The following MAGI2 variants were observed in gnomAD, a reference collection of about 807,000 sequenced individuals.
MAGI2 encodes the protein membrane-associated guanylate kinase, WW and PDZ domain-containing protein 2.
In MAGI2, 35 loss-of-function variants were observed where a neutral mutation model predicts 133.3. The observed-to-expected ratio is 0.26, with a 90% CI of 0.20 to 0.35. The LOEUF is 0.35. Among genes scored for constraint, MAGI2 ranks in the 10% least tolerant of loss-of-function variants. The pLI, the probability that MAGI2 is intolerant of heterozygous loss-of-function variation, is 1.00. For missense variants in MAGI2, 1,636 were observed against 1,863.4 expected, an observed-to-expected ratio of 0.88 and a Z score of 2.25; for synonymous variants, 729 against 710.6, an observed-to-expected ratio of 1.03 and a Z score of -0.41.
chr7:78,995,892 A>G (rs889231769), intron 2 of MAGI2, among the ~76,000 whole-genome samples: 3 of 152,134 alleles, frequency 2.0e-5, no homozygotes, highest in Admixed American at 2.0e-4. Context: ...GCCTGGTATC[A>G]GTCTGGTTAA....
rs150180104 is a variant in MAGI2 at position 79,150,409 on chromosome 7, G to A, written c.302-143203C>T. On this transcript the variant is annotated intron_variant, in intron 1 of 21. Coordinates refer to ENST00000354212, the MANE Select transcript of MAGI2 (RefSeq NM_012301.4). ...CAATAAATATCTTCCCTCCATAGAC[G>A]TATTGCAGATTTTCTTTTGATGATA... Among the ~76,000 whole-genome samples, 896 of 152,186 alleles carry A rather than the reference G, an allele frequency of 5.9e-3. 13 individuals carry two copies. Among genetic ancestry groups the A allele is most frequent in the African/African-American group, 0.02 (851 of 41,524 alleles).
At chr7:79,272,303 C>T (rs888766724) in intron 1 of MAGI2, among the ~76,000 whole-genome samples, 2 of 152,030 alleles carry the variant, frequency 1.3e-5, no homozygotes, top group South Asian at 2.1e-4. Flanking sequence ...TTAAACCATG[C>T]GGCAACTAAA....
intron 6 of MAGI2, among the ~76,000 whole-genome samples, chr7:78,369,540 T>A (rs1793717026): frequency 6.6e-6 from 1 of 152,102 alleles, no homozygotes; most frequent in Admixed American, 6.6e-5. Flanking sequence ...AAAGTGTATA[T>A]GTTTCTCTTA....
At chr7:78,705,950 T>A (rs1818597602) in intron 2 of MAGI2, among the ~76,000 whole-genome samples, 1 of 152,128 alleles carries the variant, frequency 6.6e-6, no homozygotes, top group Non-Finnish European at 1.5e-5. Context: ...GTCCATCAAT[T>A]TTCTCAAATG....
At chr7:78,291,597 T>C (rs1088565) in intron 9 of MAGI2, among the ~76,000 whole-genome samples, 107,600 of 151,916 alleles carry the variant, frequency 0.71, 38,657 homozygotes, top group African/African-American at 0.81. Flanking sequence ...CCAGCATCAT[T>C]CTGATACCAA....
At chr7:78,209,706 G>A (rs898397666) in intron 10 of MAGI2, among the ~76,000 whole-genome samples, 2 of 152,040 alleles carry the variant, frequency 1.3e-5, no homozygotes, top group African/African-American at 4.8e-5. Context: ...TCTTGCTTGA[G>A]CTGAAACAAC....
intron 1 of MAGI2, among the ~76,000 whole-genome samples, chr7:79,178,908 T>C (rs1162179465): frequency 1.3e-5 from 2 of 152,018 alleles, no homozygotes; most frequent in East Asian, 3.9e-4. Flanking sequence ...TTTTTTATTA[T>C]ACTACTAATC....
chr7:78,304,958 T>G (rs896099913), intron 9 of MAGI2, among the ~76,000 whole-genome samples: 11 of 152,216 alleles, frequency 7.2e-5, no homozygotes, highest in African/African-American at 2.7e-4. Context: ...GAGTAGCACT[T>G]CTACCACCTG....
rs371511259 is a variant in MAGI2 at position 78,949,505 on chromosome 7, T to C, written c.418+57585A>G. On this transcript the variant is annotated intron_variant, in intron 2 of 21. Coordinates refer to ENST00000354212, the MANE Select transcript of MAGI2 (RefSeq NM_012301.4). ...GGCCATTGATAAGAAGGGTTGCATATAAAGAAAGCATGCTTGAAATCAGAG... is the reference window on the plus strand; with the variant it reads ...GGCCATTGATAAGAAGGGTTGCATACAAAGAAAGCATGCTTGAAATCAGAG... 8.5e-5 allele frequency among the ~76,000 whole-genome samples: 13 copies of C among 152,232 alleles called. No individual in the cohort carries two copies. In the East Asian group the frequency reaches 2.5e-3, roughly 29 times the overall value.
chr7:78,477,457 C>T lies in MAGI2; in HGVS notation c.1045+12304G>A, dbSNP rs369456472. ...CTCACGCTGCTAATAAAGACATACC[C>T]GAGACTGGGTAATTTATAAAGGAGA... On this transcript the variant is annotated intron_variant, in intron 6 of 21. Transcript: ENST00000354212. Among the ~76,000 whole-genome samples the T allele has an allele frequency of 2.6e-5, 4 of 151,806 alleles. No homozygotes were observed. In the South Asian group the frequency reaches 6.2e-4, roughly 24 times the overall value.
intron 1 of MAGI2, among the ~76,000 whole-genome samples, chr7:79,135,830 C>G (rs1311666861): frequency 6.6e-6 from 1 of 151,108 alleles, no homozygotes; most frequent in Admixed American, 6.6e-5. Flanking sequence ...AGTCCCAACT[C>G]CTTGGGAGGC....
At chr7:78,098,510 A>G (rs1817920678) in intron 20 of MAGI2, among the ~76,000 whole-genome samples, 1 of 152,162 alleles carries the variant, frequency 6.6e-6, no homozygotes, top group South Asian at 2.1e-4. Flanking sequence ...ATTGACGTAT[A>G]TTTAGAATTT....
intron 21 of MAGI2, among the ~76,000 whole-genome samples, chr7:78,063,983 C>T (rs1361560823): frequency 6.6e-6 from 1 of 152,142 alleles, no homozygotes; most frequent in Non-Finnish European, 1.5e-5. Context: ...AGAGCCCTCT[C>T]TCTCTTTTTT....
At chr7:78,284,990 C>T (rs915684630) in intron 9 of MAGI2, among the ~76,000 whole-genome samples, 11 of 152,144 alleles carry the variant, frequency 7.2e-5, no homozygotes, top group African/African-American at 2.7e-4. Flanking sequence ...ACATGGGCAG[C>T]AGCTGAAGGA....
intron 21 of MAGI2, among the ~76,000 whole-genome samples, chr7:78,066,155 T>C (rs1337188008): frequency 6.6e-6 from 1 of 152,140 alleles, no homozygotes; most frequent in Non-Finnish European, 1.5e-5. Flanking sequence ...CCACTAAAAC[T>C]TTGCGTATTA....
intron 3 of MAGI2, among the ~76,000 whole-genome samples, chr7:78,621,654 T>A (rs375863887): frequency 1.8e-4 from 28 of 152,010 alleles, no homozygotes; most frequent in African/African-American, 5.8e-4. Context: ...TACAGCCATG[T>A]GGCATAGCTA....
At position 78,552,176 on chromosome 7, in the gene MAGI2, CTTTTTT is replaced by C. The variant is rs869196799; in HGVS notation, c.539-30537_539-30532del. On this transcript the variant is annotated intron_variant, in intron 3 of 21. Transcript: ENST00000354212. ...GACTTTTAGGTAGACATTTGTTTTC[CTTTTTT>C]TTTTTTTTTTTTTTTTTTGAGACAG... Among the ~76,000 whole-genome samples the C allele has an allele frequency of 2.1e-3, 192 of 90,344 alleles. 1 individual carries two copies. Among genetic ancestry groups the C allele is most frequent in the African/African-American group, 7.7e-3 (174 of 22,460 alleles). The allele number at this position is 90,344 out of a possible 152,430, so 59.3% of individuals were successfully genotyped here. A position where few individuals can be genotyped will look rare whatever the true frequency, so the allele number is the denominator to read the frequency against.
intron 1 of MAGI2, among the ~76,000 whole-genome samples, chr7:79,382,871 T>C (rs1563172306): frequency 6.6e-6 from 1 of 151,500 alleles, no homozygotes; most frequent in Non-Finnish European, 1.5e-5. Context: ...CTCCACTTCT[T>C]AAACATTATC....
chr7:78,654,394 C>T (rs1159954947), intron 2 of MAGI2, among the ~76,000 whole-genome samples: 1 of 151,992 alleles, frequency 6.6e-6, no homozygotes, highest in Non-Finnish European at 1.5e-5. Context: ...TCAGCACCTC[C>T]CAACCTGAGT....
Sources: gnomAD v4.1 joint callset for allele counts (sites outside exome capture counted in the v4.1 genomes callset) on GRCh38, gnomAD v4.1.1 for gene constraint, MANE v1.5 for transcripts, NCBI Gene and HGNC (gene_info 2026-07-23, HGNC 2026-07-21) for gene names.